The following ABTB2 variants were observed in gnomAD, a reference collection of about 807,000 sequenced individuals.
The protein encoded by ABTB2 is ankyrin repeat and BTB/POZ domain-containing protein 2.
In ABTB2, 56 loss-of-function variants were observed where a neutral mutation model predicts 104.1. That is an observed-to-expected ratio of 0.54 (90% CI 0.43 to 0.67). The LOEUF (loss-of-function observed/expected upper bound fraction) is 0.67, where lower values mean the gene tolerates loss of function less well. ABTB2 is among the 30% of genes least tolerant of loss of function. The probability of loss-of-function intolerance (pLI) is 0.00; values close to 1 mark genes in which losing one functional copy is unlikely to be tolerated. For synonymous variants in ABTB2, 606 were observed against 608.2 expected, an observed-to-expected ratio of 1.00 and a Z score of 0.05; for missense variants, 1,279 against 1,407.7, an observed-to-expected ratio of 0.91 and a Z score of 1.46.
chr11:34,176,154 C>T (rs1852958822), intron 3 of ABTB2, among the ~76,000 whole-genome samples: 1 of 151,946 alleles, frequency 6.6e-6, no homozygotes, highest in Non-Finnish European at 1.5e-5. Context: ...GTGGTACTCA[C>T]CTGTAGTTCC....
At chr11:34,211,201 G>C (rs996243452) in intron 1 of ABTB2, among the ~76,000 whole-genome samples, 1 of 152,088 alleles carries the variant, frequency 6.6e-6, no homozygotes, top group African/African-American at 2.4e-5. Flanking sequence ...TTCAACCTTC[G>C]GGGCTCAAGC....
intron 3 of ABTB2, among the ~76,000 whole-genome samples, chr11:34,180,145 C>G (rs180725087): frequency 8.1e-4 from 123 of 152,348 alleles, no homozygotes; most frequent in Admixed American, 2.9e-3. Context: ...TGCCTTCCCC[C>G]CACAGCAAGT....
intron 1 of ABTB2, among the ~76,000 whole-genome samples, chr11:34,296,246 G>A (rs1854622269): frequency 6.6e-6 from 1 of 152,108 alleles, no homozygotes; most frequent in Non-Finnish European, 1.5e-5. Flanking sequence ...GTTTAACCAG[G>A]GTTAGGATTT....
chr11:34,191,893 C>T (rs1242701995), intron 3 of ABTB2, among the ~76,000 whole-genome samples: 1 of 152,224 alleles, frequency 6.6e-6, no homozygotes, highest in Non-Finnish European at 1.5e-5. Context: ...GCCTTGCTGC[C>T]TCTAGCCACT....
At position 34,160,909 on chromosome 11, in the gene ABTB2, G is replaced by A. The variant is rs1852709570; in HGVS notation, c.2391C>T (p.Thr797=). The change falls in exon 11 of 17, where the codon ACC becomes ACT. Residue 797 remains threonine (T), a synonymous_variant. Coordinates refer to ENST00000435224, the MANE Select transcript of ABTB2 (RefSeq NM_145804.3). The part of the protein sequence containing the change: ...GLQLMFDILK[T]SKNDSVIQQL... Reference sequence around the variant, plus strand: ...GGCCACTGGCCACACTTACTTTGCTGGTCTTGAGGATGTCGAACATGAGCT... The same window carrying A: ...GGCCACTGGCCACACTTACTTTGCTAGTCTTGAGGATGTCGAACATGAGCT... The A allele has an allele frequency of 5.6e-6, 9 of 1,604,328 alleles. No homozygotes were observed. In the East Asian group the frequency reaches 1.3e-4, roughly 24 times the overall value.
At chr11:34,220,667 C>T (rs1446289501) in intron 1 of ABTB2, among the ~76,000 whole-genome samples, 1 of 152,196 alleles carries the variant, frequency 6.6e-6, no homozygotes, top group South Asian at 2.1e-4. Flanking sequence ...TCTCACCCAG[C>T]AGCTAAAAGA....
rs200863999 is a variant in ABTB2 at position 34,158,419 on chromosome 11, CAAAA to C, written c.2697+873_2697+876del. On this transcript the variant is annotated intron_variant, in intron 14 of 16. Transcript: ENST00000435224. ...CAGTGAGACTCCGTGTCAAAAAAAA[CAAAA>C]AAAAGCCATTTTAGAGGTGGCCCCA... 1.2e-4 allele frequency among the ~76,000 whole-genome samples: 18 copies of C among 151,580 alleles called. No homozygotes were observed. In the East Asian group the frequency reaches 2.1e-3, roughly 18 times the overall value.
intron 1 of ABTB2, among the ~76,000 whole-genome samples, chr11:34,338,552 A>T (rs1226362241): frequency 6.6e-6 from 1 of 151,670 alleles, no homozygotes; most frequent in African/African-American, 2.4e-5. Flanking sequence ...CAAAAAAAAA[A>T]AAAATTAGCC....
intron 1 of ABTB2, among the ~76,000 whole-genome samples, chr11:34,239,989 T>C (rs1590226935): frequency 6.6e-6 from 1 of 152,250 alleles, no homozygotes; most frequent in South Asian, 2.1e-4. Context: ...TATCACTTAA[T>C]AGTCAGGTGG....
In ABTB2 at chr11:34,229,134, A is replaced by AAAAG. The variant is rs537214230; in HGVS notation, c.884-24445_884-24444insCTTT. 4.4e-4 allele frequency among the ~76,000 whole-genome samples: 64 copies of AAAAG among 144,458 alleles called. 2 individuals carry two copies. The highest frequency in any genetic ancestry group is 3.6e-3 in the Middle Eastern group (1 of 278). 94.8% of individuals were successfully genotyped at this position (144,458 alleles called of 152,430 possible). ...GACTCCGTCTTGGAAAAAAAAAAAA[A>AAAAG]AGAGAAAAAAGAAAAAGAAAGTGGT... On this transcript the variant is annotated intron_variant, in intron 1 of 16. Coordinates refer to ENST00000435224, the MANE Select transcript of ABTB2 (RefSeq NM_145804.3).
chr11:34,310,586 T>A (rs543579714), intron 1 of ABTB2, among the ~76,000 whole-genome samples: 10 of 152,156 alleles, frequency 6.6e-5, no homozygotes, highest in African/African-American at 2.2e-4. Context: ...CTCCGCTGCA[T>A]CCCTCCAGCC....
intron 1 of ABTB2, among the ~76,000 whole-genome samples, chr11:34,250,755 A>G (rs988959552): frequency 3.3e-5 from 5 of 152,150 alleles, no homozygotes; most frequent in African/African-American, 1.2e-4. Flanking sequence ...TGCGGCTACA[A>G]ATGCTCTGCT....
chr11:34,171,463 A>G (rs1423446113), intron 4 of ABTB2, among the ~76,000 whole-genome samples: 4 of 152,136 alleles, frequency 2.6e-5, no homozygotes. Context: ...TATCCCTACT[A>G]ATCAGGAGTC....
chr11:34,297,135 T>A (rs2133096234), intron 1 of ABTB2, among the ~76,000 whole-genome samples: 1 of 152,188 alleles, frequency 6.6e-6, no homozygotes, highest in East Asian at 1.9e-4. Context: ...TCTTGGCACT[T>A]TCTGTACGTA....
In ABTB2 at chr11:34,162,724, A is replaced by G; in HGVS notation, c.2070T>C (p.Gly690=). ...VLSLEEILAE[G]VEESDASSQG... ...GGCTCGACGCATCACTTTCCTCCAC[A>G]CCCTCGGCCAGGATCTCCTCCAGGG... The change falls in exon 10 of 17, where the codon GGT becomes GGC. Residue 690 remains glycine, a synonymous_variant. Transcript: ENST00000435224. The G allele has an allele frequency of 1.2e-6, 2 of 1,610,726 alleles. No individual in the cohort carries two copies. Among genetic ancestry groups the G allele is most frequent in the South Asian group, 1.1e-5 (1 of 91,014 alleles).
chr11:34,165,441 C>G, intron 7 of ABTB2, 85 bp from the exon 8 acceptor site: 1 of 1,111,478 alleles, frequency 9.0e-7, no homozygotes, highest in African/African-American at 1.6e-5. Flanking sequence ...GGGACAGGGC[C>G]TTTGCTTCTC....
chr11:34,291,361 C>CATGGG, intron 1 of ABTB2, among the ~76,000 whole-genome samples: 1 of 152,276 alleles, frequency 6.6e-6, no homozygotes, highest in Admixed American at 6.5e-5. Context: ...GCTGAAGACC[C>CATGGG]CTCCATCAGC....
At chr11:34,267,929 CTATTT>C (rs1854269659) in intron 1 of ABTB2, among the ~76,000 whole-genome samples, 1 of 152,106 alleles carries the variant, frequency 6.6e-6, no homozygotes, top group Admixed American at 6.6e-5. Context: ...AACATGCTCC[CTATTT>C]TAAGATTTCT....
In ABTB2 at chr11:34,160,972, C is replaced by T. The variant is rs1316805665; in HGVS notation, c.2328G>A (p.Glu776=). 6.2e-7 allele frequency: 1 copy of T among 1,613,698 alleles called. No individual in the cohort carries two copies. Among genetic ancestry groups the T allele is most frequent in the African/African-American group, 1.3e-5 (1 of 74,898 alleles). The change falls in exon 11 of 17, where the codon GAG becomes GAA. Residue 776 remains glutamate, a synonymous_variant. Coordinates refer to ENST00000435224, the MANE Select transcript of ABTB2 (RefSeq NM_145804.3). ...SLLRDFSSIR[E]EEYNEELVTE... ...TCACCAGCTCCTCGTTGTACTCCTC[C>T]TCTCTGATGGAGCTGAAGTCCCGCA...
Sources: gnomAD v4.1 joint callset for allele counts (sites outside exome capture counted in the v4.1 genomes callset) on GRCh38, gnomAD v4.1.1 for gene constraint, MANE v1.5 for transcripts, NCBI Gene and HGNC (gene_info 2026-07-23, HGNC 2026-07-21) for gene names.